Variants in MFHAS1 observed in about 807,000 individuals in gnomAD.
The protein encoded by MFHAS1 is multifunctional ROCO family signaling regulator 1, also known as malignant fibrous histiocytoma-amplified sequence 1.
Under a neutral mutation model 70.4 loss-of-function variants are expected in MFHAS1, and 50 were observed. The ratio of observed to expected loss-of-function variants is 0.71; its 90% CI spans 0.57 to 0.90. MFHAS1 has a LOEUF of 0.90. Among genes scored for constraint, MFHAS1 ranks in the 40% least tolerant of loss-of-function variants. MFHAS1 has a pLI of 0.00. For synonymous variants in MFHAS1, 952 were observed against 620.0 expected (o/e 1.54, Z -7.96); for missense variants, 1,795 against 1,347.6 (o/e 1.33, Z -5.20).
At chr8:8,859,915 T>C (rs537437484) in intron 1 of MFHAS1, 4 of 152,192 alleles carry the variant, frequency 2.6e-5, no homozygotes, top group Non-Finnish European at 4.4e-5. Context: ...TTAAGTGATA[T>C]CTGGTATTAA....
Position 8,892,099 on chromosome 8 carries a change from C to A in MFHAS1, c.960G>T (p.Arg320=), listed in dbSNP as rs779712965. The A allele has an allele frequency of 6.2e-7, 1 of 1,613,322 alleles. No homozygotes were observed. The highest frequency in any genetic ancestry group is 8.5e-7 in the Non-Finnish European group (1 of 1,180,026). The change falls in exon 1 of 3, where the codon CGG becomes CGT. Residue 320 remains arginine, a synonymous_variant. Coordinates refer to ENST00000276282, the MANE Select transcript of MFHAS1 (RefSeq NM_004225.3). This position sits in a 1 kb window ranked among gnomAD's most constrained non-coding sequence, Gnocchi z 4.7. ...SVPSLISGLG[R]LLTLWLDNNR... ...TATTATCCAGCCACAAGGTGAGAAG[C>A]CGGCCCAGGCCCGAGATAAGGGATG...
intron 1 of MFHAS1, among the ~76,000 whole-genome samples, chr8:8,870,875 T>A (rs1395589823): frequency 6.6e-6 from 1 of 152,230 alleles, no homozygotes; most frequent in African/African-American, 2.4e-5. Flanking sequence ...AGTCCAGTAC[T>A]GCAATGTTAA....
chr8:8,806,658 T>C (rs780191059), intron 1 of MFHAS1, among the ~76,000 whole-genome samples: 6 of 152,124 alleles, frequency 3.9e-5, no homozygotes, highest in Non-Finnish European at 7.4e-5. Flanking sequence ...TTCTCTGGAA[T>C]TTCTAAAAAT....
chr8:8,836,908 T>C (rs977888044), intron 1 of MFHAS1, among the ~76,000 whole-genome samples: 1 of 152,210 alleles, frequency 6.6e-6, no homozygotes, highest in African/African-American at 2.4e-5. Flanking sequence ...GACAGTCATC[T>C]TGTTGTTTAT....
intron 1 of MFHAS1, among the ~76,000 whole-genome samples, chr8:8,848,190 G>A (rs1258253019): frequency 1.3e-5 from 2 of 152,156 alleles, no homozygotes; most frequent in African/African-American, 4.8e-5. Flanking sequence ...TGTTCCACCT[G>A]ACACCACAGG....
chr8:8,792,697 G>T (rs769287870), intron 2 of MFHAS1, among the ~76,000 whole-genome samples: 2 of 152,200 alleles, frequency 1.3e-5, no homozygotes, highest in Non-Finnish European at 2.9e-5. Flanking sequence ...AAATAGGCAG[G>T]AGATTTCTTT....
intron 1 of MFHAS1, among the ~76,000 whole-genome samples, chr8:8,878,523 A>G (rs1217565623): frequency 6.6e-6 from 1 of 152,186 alleles, no homozygotes; most frequent in Non-Finnish European, 1.5e-5. Context: ...TGATTAACAC[A>G]ATTACCTTTA....
At chr8:8,849,815 T>A (rs1345073863) in intron 1 of MFHAS1, among the ~76,000 whole-genome samples, 1 of 152,198 alleles carries the variant, frequency 6.6e-6, no homozygotes, top group Non-Finnish European at 1.5e-5. Flanking sequence ...GGGAACCAAA[T>A]CCTGAAGACG....
chr8:8,827,833 A>C (rs1807221186), intron 1 of MFHAS1, among the ~76,000 whole-genome samples: 1 of 152,118 alleles, frequency 6.6e-6, no homozygotes, highest in Non-Finnish European at 1.5e-5. Context: ...TATATTTAAA[A>C]TTTACTCATG....
chr8:8,888,527 C>CAA (rs1265992264), intron 1 of MFHAS1, among the ~76,000 whole-genome samples: 1 of 152,068 alleles, frequency 6.6e-6, no homozygotes, highest in East Asian at 1.9e-4. Flanking sequence ...AACACACACA[C>CAA]ACACACACAC....
intron 1 of MFHAS1, among the ~76,000 whole-genome samples, chr8:8,877,187 C>G (rs1809329159): frequency 6.7e-6 from 1 of 148,218 alleles, no homozygotes; most frequent in Admixed American, 7.0e-5. Flanking sequence ...GTAGTCCCAA[C>G]TACTGGGGAG....
intron 1 of MFHAS1, among the ~76,000 whole-genome samples, chr8:8,861,938 C>T (rs1226282294): frequency 1.3e-5 from 2 of 152,212 alleles, no homozygotes; most frequent in African/African-American, 4.8e-5. Flanking sequence ...ATGTGTTTAT[C>T]TGTGCACCAG....
intron 1 of MFHAS1, among the ~76,000 whole-genome samples, chr8:8,834,901 T>C (rs936693831): frequency 2.0e-4 from 30 of 152,234 alleles, no homozygotes; most frequent in African/African-American, 7.2e-4. Context: ...ACAGCAATAA[T>C]TGTGGGACAC....
chr8:8,823,804 T>C (rs531236677), intron 1 of MFHAS1, among the ~76,000 whole-genome samples: 3 of 144,156 alleles, frequency 2.1e-5, no homozygotes, highest in Non-Finnish European at 3.0e-5. Flanking sequence ...CAGAAGATAG[T>C]GGGGGCTGAG....
chr8:8,783,992 C>G lies in MFHAS1; in HGVS notation c.*2030G>C, dbSNP rs1805447680. The G allele has an allele frequency of 6.6e-6, 1 of 152,082 alleles. No individual in the cohort carries two copies. The highest frequency in any genetic ancestry group is 2.4e-5 in the African/African-American group (1 of 41,376). 9.4% of individuals were successfully genotyped at this position (152,082 alleles called of 1,614,324 possible). A position where few individuals can be genotyped will look rare whatever the true frequency, so the allele number is the denominator to read the frequency against. ...CACTGCTTCTCTAGGGTTCAGATGA[C>G]AGCATAAAACATCACTGGTCAAAAA... On this transcript the variant is annotated 3_prime_UTR_variant, in exon 3 of 3. Transcript: ENST00000276282.
chr8:8,791,936 G>C, intron 2 of MFHAS1, among the ~76,000 whole-genome samples: 1 of 152,134 alleles, frequency 6.6e-6, no homozygotes, highest in East Asian at 1.9e-4. Flanking sequence ...GTGTTTATGA[G>C]AACCTCTTTA....
intron 1 of MFHAS1, among the ~76,000 whole-genome samples, chr8:8,856,650 C>A (rs1437363315): frequency 6.6e-6 from 1 of 152,108 alleles, no homozygotes; most frequent in African/African-American, 2.4e-5. Context: ...ATTAAAAATA[C>A]TGACACATTA....
At chr8:8,797,533 T>TA in intron 1 of MFHAS1, 42 bp from the exon 2 acceptor site, 1 of 1,588,128 alleles carries the variant, frequency 6.3e-7, no homozygotes, top group Non-Finnish European at 8.6e-7. Context: ...AGATGTGCAC[T>TA]AAAAATGGGC....
chr8:8,892,326 C>A lies in MFHAS1; in HGVS notation c.733G>T (p.Gly245Cys). Residue 245 changes from glycine to cysteine, a missense_variant, in exon 1 of 3, where the codon GGC becomes TGC. Coordinates refer to ENST00000276282, the MANE Select transcript of MFHAS1 (RefSeq NM_004225.3). This position sits in a 1 kb window ranked among gnomAD's most constrained non-coding sequence, Gnocchi z 4.7. The part of the protein sequence containing the change: ...SGAELGTLPA[G>C]FCELASLESL... ...TCCAAACTGGCCAGCTCGCAGAAGC[C>A]GGCGGGCAGCGTGCCAAGCTCGGCC... The A allele has an allele frequency of 6.2e-7, 1 of 1,612,194 alleles. No individual in the cohort carries two copies. The highest frequency in any genetic ancestry group is 8.5e-7 in the Non-Finnish European group (1 of 1,180,004).
Sources: gnomAD v4.1 joint callset for allele counts (sites outside exome capture counted in the v4.1 genomes callset) on GRCh38, gnomAD v4.1.1 for gene constraint, Gnocchi (gnomAD v3.1) non-coding constraint, MANE v1.5 for transcripts, NCBI Gene and HGNC (gene_info 2026-07-23, HGNC 2026-07-21) for gene names.